R3HCC1L: variants seen among roughly 807,000 people sequenced by gnomAD.
R3HCC1L encodes R3H domain and coiled-coil containing 1 like, also known as coiled-coil domain-containing protein R3HCC1L.
Under a neutral mutation model 59.9 loss-of-function variants are expected in R3HCC1L, and 51 were observed. That is an observed-to-expected ratio of 0.85 (90% CI 0.68 to 1.07). The LOEUF (loss-of-function observed/expected upper bound fraction) is 1.07. R3HCC1L is among the 50% of genes least tolerant of loss of function. R3HCC1L has a pLI of 0.00. For missense variants in R3HCC1L, 965 were observed against 933.0 expected, an observed-to-expected ratio of 1.03 and a Z score of -0.45; for synonymous variants, 322 against 315.2, an observed-to-expected ratio of 1.02 and a Z score of -0.23.
chr10:98,181,965 T>C lies in R3HCC1L; in HGVS notation c.-15+18568T>C, dbSNP rs562655241. Among the ~76,000 whole-genome samples, 262 of 152,338 alleles carry C rather than the reference T, an allele frequency of 1.7e-3. 2 individuals carry two copies. The highest frequency in any genetic ancestry group is 5.7e-3 in the African/African-American group (239 of 41,576). On this transcript the variant is annotated intron_variant, in intron 4 of 9. Transcript: ENST00000298999. Reference sequence around the variant, plus strand: ...TTGTGATGGGTTCAAACATCCTCCTTTAGCTCGGAGAAGTTTGTTACTACC... The same window carrying C: ...TTGTGATGGGTTCAAACATCCTCCTCTAGCTCGGAGAAGTTTGTTACTACC...
intron 4 of R3HCC1L, among the ~76,000 whole-genome samples, chr10:98,167,146 A>G (rs978989736): frequency 2.0e-5 from 3 of 151,972 alleles, no homozygotes; most frequent in Non-Finnish European, 2.9e-5. Flanking sequence ...TACCTGAGCC[A>G]TGTTCGTTCA....
chr10:98,165,221 G>A (rs1035115044), intron 4 of R3HCC1L, among the ~76,000 whole-genome samples: 9 of 152,178 alleles, frequency 5.9e-5, no homozygotes, highest in African/African-American at 4.8e-5. Flanking sequence ...CTGAGATTGC[G>A]CCAGTGCACT....
chr10:98,166,600 TC>T (rs1446201723), intron 4 of R3HCC1L, among the ~76,000 whole-genome samples: 13 of 152,204 alleles, frequency 8.5e-5, no homozygotes, highest in African/African-American at 3.1e-4. Context: ...GATATTTTTC[TC>T]CTCTGGTTTC....
chr10:98,222,700 T>G (rs1422996249), intron 5 of R3HCC1L, among the ~76,000 whole-genome samples: 1 of 152,186 alleles, frequency 6.6e-6, no homozygotes, highest in African/African-American at 2.4e-5. Flanking sequence ...TTGCATATAT[T>G]GAACCAGCCT....
chr10:98,218,482 A>G lies in R3HCC1L; in HGVS notation c.1785+8583A>G, dbSNP rs377212611. Among the ~76,000 whole-genome samples, 5 of 152,236 alleles carry G rather than the reference A, an allele frequency of 3.3e-5. No homozygotes were observed. The South Asian group carries it at 1.0e-3, about 32-fold the overall frequency. On this transcript the variant is annotated intron_variant, in intron 5 of 9. Transcript: ENST00000298999. Reference sequence around the variant, plus strand: ...GTGTTTTATTGATTTTGGTTTTTGTATTAAAAAAAACTTTTGTTTCATTGA... The same window carrying G: ...GTGTTTTATTGATTTTGGTTTTTGTGTTAAAAAAAACTTTTGTTTCATTGA...
rs1401493200 is a variant in R3HCC1L at position 98,231,516 on chromosome 10, CAG to C, written c.1791_1792del (p.Gly598GlufsTer12). 3 of 1,609,968 alleles carry C rather than the reference CAG, an allele frequency of 1.9e-6. No homozygotes were observed. Among genetic ancestry groups the C allele is most frequent in the South Asian group, 2.2e-5 (2 of 89,926 alleles). On this transcript the variant is annotated frameshift_variant, in exon 6 of 10. Coordinates refer to ENST00000298999, the MANE Select transcript of R3HCC1L (RefSeq NM_001351015.2). LOFTEE classifies it high-confidence loss of function. ...AACGTGCTTCTTCCTTTCTAGTTAT[CAG>C]GGAATACCAAGAGCAGAGAGAGCAT...
intron 1 of R3HCC1L, among the ~76,000 whole-genome samples, chr10:98,154,231 A>C (rs989017948): frequency 6.6e-6 from 1 of 150,938 alleles, no homozygotes; most frequent in Non-Finnish European, 1.5e-5. Context: ...GAGTAATAGT[A>C]AGGCAGTACA....
intron 1 of R3HCC1L, among the ~76,000 whole-genome samples, chr10:98,147,621 C>T (rs777515404): frequency 1.3e-5 from 2 of 152,072 alleles, no homozygotes; most frequent in Non-Finnish European, 2.9e-5. Flanking sequence ...TCATCATTCT[C>T]AGTATAGTTA....
intron 4 of R3HCC1L, among the ~76,000 whole-genome samples, chr10:98,172,660 C>T (rs368167764): frequency 1.3e-3 from 205 of 152,244 alleles, no homozygotes; most frequent in African/African-American, 4.5e-3. Flanking sequence ...AACAGGCAGC[C>T]GTAACTCTGA....
chr10:98,151,913 T>TCTCTCC (rs1037021646), intron 1 of R3HCC1L, among the ~76,000 whole-genome samples: 14 of 152,250 alleles, frequency 9.2e-5, no homozygotes, highest in South Asian at 4.1e-4. Flanking sequence ...TCGCTCTCTC[T>TCTCTCC]CTCTCCCTCT....
chr10:98,188,479 C>G (rs17109059), intron 4 of R3HCC1L, among the ~76,000 whole-genome samples: 28,287 of 152,086 alleles, frequency 0.19, 2,766 homozygotes, highest in Middle Eastern at 0.21. Flanking sequence ...GCAATGGAGA[C>G]TCCTGTGTTT....
intron 4 of R3HCC1L, among the ~76,000 whole-genome samples, chr10:98,203,977 G>GTGCA (rs1262551126): frequency 6.6e-5 from 10 of 152,198 alleles, no homozygotes; most frequent in Non-Finnish European, 1.5e-4. Context: ...TTTGAACAGA[G>GTGCA]TGCATGCTGA....
Position 98,174,551 on chromosome 10 carries a change from A to G in R3HCC1L, c.-15+11154A>G, listed in dbSNP as rs1000104993. 12 of 930,574 alleles carry G rather than the reference A, an allele frequency of 1.3e-5. No homozygotes were observed. The African/African-American group carries it at 1.8e-4, about 14-fold the overall frequency. 57.6% of individuals were successfully genotyped at this position (930,574 alleles called of 1,614,324 possible). ...CAGTTGAATAAGAATATAAAGGAGTATATAATGAGAGTGATATAACAACAA... is the reference window on the plus strand; with the variant it reads ...CAGTTGAATAAGAATATAAAGGAGTGTATAATGAGAGTGATATAACAACAA... On this transcript the variant is annotated intron_variant, in intron 4 of 9. Coordinates refer to ENST00000298999, the MANE Select transcript of R3HCC1L (RefSeq NM_001351015.2).
chr10:98,197,493 A>T (rs1564678739), intron 4 of R3HCC1L, among the ~76,000 whole-genome samples: 1 of 152,092 alleles, frequency 6.6e-6, no homozygotes, highest in Non-Finnish European at 1.5e-5. Context: ...ATGTGTTTAA[A>T]TGTTTGTTGA....
In R3HCC1L at chr10:98,209,165, G is replaced by A. The variant is rs1195244590; in HGVS notation, c.1051G>A (p.Asp351Asn). ...GTTACATGTAAAGCACGAACCTCCTGATACAGCTGTCCTTGCTCATGAAAC... is the reference window on the plus strand; with the variant it reads ...GTTACATGTAAAGCACGAACCTCCTAATACAGCTGTCCTTGCTCATGAAAC... ...DELHVKHEPP[D>N]TAVLAHETHR... Residue 351 changes from aspartate to asparagine, a missense_variant, in exon 5 of 10, where the codon GAT becomes AAT. Physicochemically the swap from Asp to Asn is conservative, Grantham distance 23. Coordinates refer to ENST00000298999, the MANE Select transcript of R3HCC1L (RefSeq NM_001351015.2). 6.2e-7 allele frequency: 1 copy of A among 1,613,708 alleles called. No individual in the cohort carries two copies. Among genetic ancestry groups the A allele is most frequent in the Admixed American group, 1.7e-5 (1 of 59,992 alleles).
At chr10:98,197,989 C>T (rs960223445) in intron 4 of R3HCC1L, among the ~76,000 whole-genome samples, 2 of 152,108 alleles carry the variant, frequency 1.3e-5, no homozygotes, top group African/African-American at 4.8e-5. Context: ...TGAAAAACCA[C>T]TGAAGAATTT....
chr10:98,153,872 G>A (rs1442645438), intron 1 of R3HCC1L, among the ~76,000 whole-genome samples: 2 of 150,842 alleles, frequency 1.3e-5, no homozygotes, highest in African/African-American at 2.4e-5. Context: ...GTGGTGTCAC[G>A]TTTCCCCACT....
At chr10:98,179,964 C>G (rs1173082192) in intron 4 of R3HCC1L, among the ~76,000 whole-genome samples, 1 of 151,960 alleles carries the variant, frequency 6.6e-6, no homozygotes, top group African/African-American at 2.4e-5. Flanking sequence ...CTTTATTAGT[C>G]TTGCTAGTGG....
chr10:98,163,144 T>C (rs1847608002), intron 3 of R3HCC1L, 149 bp from the exon 4 acceptor site: 1 of 320,216 alleles, frequency 3.1e-6, no homozygotes. Flanking sequence ...TGCTTTTGTA[T>C]GTGTGTCTTC....
Sources: gnomAD v4.1 joint callset for allele counts (sites outside exome capture counted in the v4.1 genomes callset) on GRCh38, gnomAD v4.1.1 for gene constraint, MANE v1.5 for transcripts, NCBI Gene and HGNC (gene_info 2026-07-23, HGNC 2026-07-21) for gene names.